The following PKHD1 variants were observed in gnomAD, a reference collection of about 807,000 sequenced individuals.
PKHD1 encodes the protein fibrocystin.
PKHD1 carries 291 observed loss-of-function variants against 412.0 expected under a neutral mutation model. The ratio of observed to expected loss-of-function variants is 0.71; its 90% CI spans 0.64 to 0.78. The LOEUF (loss-of-function observed/expected upper bound fraction) is 0.78, where lower values mean the gene tolerates loss of function less well. Ranked by LOEUF, PKHD1 falls within the 30% of genes least tolerant of loss-of-function variation. PKHD1 has a pLI of 0.00. For missense variants in PKHD1, 4,825 were observed against 4,950.7 expected, an observed-to-expected ratio of 0.97 and a Z score of 0.76; for synonymous variants, 1,777 against 1,821.5, an observed-to-expected ratio of 0.98 and a Z score of 0.62.
chr6:51,692,159 C>T (rs1778240092), intron 60 of PKHD1, among the ~76,000 whole-genome samples: 1 of 152,024 alleles, frequency 6.6e-6, no homozygotes, highest in African/African-American at 2.4e-5. Flanking sequence ...ATTCTTCTCC[C>T]ATGTTCACAT....
chr6:51,673,215 C>T (rs576546347), intron 60 of PKHD1, among the ~76,000 whole-genome samples: 2 of 152,280 alleles, frequency 1.3e-5, no homozygotes, highest in East Asian at 3.9e-4. Flanking sequence ...TGTCAGCTTC[C>T]GTGTTTTCCC....
intron 60 of PKHD1, among the ~76,000 whole-genome samples, chr6:51,711,787 G>A (rs1313215681): frequency 6.6e-6 from 1 of 152,190 alleles, no homozygotes; most frequent in Non-Finnish European, 1.5e-5. Flanking sequence ...AAAGAAATGT[G>A]TATTTTATTA....
intron 52 of PKHD1, among the ~76,000 whole-genome samples, chr6:51,792,252 TC>T (rs1793876401): frequency 6.6e-6 from 1 of 152,234 alleles, no homozygotes; most frequent in East Asian, 1.9e-4. Context: ...AGTGTTACTT[TC>T]TGAAATTTAG....
intron 35 of PKHD1, among the ~76,000 whole-genome samples, chr6:51,962,958 C>T (rs1792292012): frequency 6.6e-6 from 1 of 152,030 alleles, no homozygotes; most frequent in Non-Finnish European, 1.5e-5. Context: ...TTCCCACCTC[C>T]CTAAAAGATG....
intron 35 of PKHD1, among the ~76,000 whole-genome samples, chr6:51,989,948 A>AAGG (rs1796796338): frequency 4.3e-5 from 2 of 46,382 alleles, no homozygotes; most frequent in African/African-American, 8.9e-5. Context: ...AGGAAGGAAG[A>AAGG]AAGGAAGGAA....
chr6:51,696,680 G>C (rs1410203707), intron 60 of PKHD1, among the ~76,000 whole-genome samples: 1 of 152,168 alleles, frequency 6.6e-6, no homozygotes, highest in Admixed American at 6.6e-5. Flanking sequence ...GATGGGATGA[G>C]CAAGCCAGGT....
chr6:51,693,855 A>G (rs1368203068), intron 60 of PKHD1, among the ~76,000 whole-genome samples: 1 of 152,234 alleles, frequency 6.6e-6, no homozygotes, highest in Admixed American at 6.5e-5. Flanking sequence ...AAAAGGTATT[A>G]CTATTACTCC....
At chr6:51,640,900 C>T (rs778550234) in intron 63 of PKHD1, among the ~76,000 whole-genome samples, 75 of 152,210 alleles carry the variant, frequency 4.9e-4, no homozygotes, top group Non-Finnish European at 1.0e-3. Flanking sequence ...ACTGCCTTTT[C>T]ACTGAGGAGG....
Position 51,791,382 on chromosome 6 carries a change from G to T in PKHD1, c.8303-9C>A. The T allele has an allele frequency of 6.2e-7, 1 of 1,613,074 alleles. No individual in the cohort carries two copies. The highest frequency in any genetic ancestry group is 8.5e-7 in the Non-Finnish European group (1 of 1,179,172). On this transcript the variant is annotated splice_polypyrimidine_tract_variant and intron_variant, in intron 52 of 66. Transcript: ENST00000371117. Reference sequence around the variant, plus strand: ...CACAAGGACAGTTCTGTCTGTGGAAGAAAAAGAAATTGCTCAGATATGTCA... The same window carrying T: ...CACAAGGACAGTTCTGTCTGTGGAATAAAAAGAAATTGCTCAGATATGTCA...
At chr6:51,894,843 T>A (rs1300651319) in intron 43 of PKHD1, among the ~76,000 whole-genome samples, 1 of 152,244 alleles carries the variant, frequency 6.6e-6, no homozygotes, top group Admixed American at 6.5e-5. Context: ...TGACTATGGT[T>A]ATCGTTATGT....
intron 60 of PKHD1, among the ~76,000 whole-genome samples, chr6:51,720,515 T>C (rs1246893489): frequency 6.6e-6 from 1 of 151,880 alleles, no homozygotes; most frequent in African/African-American, 2.4e-5. Context: ...GTGGAAAGCG[T>C]TTCCCTCCAT....
intron 37 of PKHD1, among the ~76,000 whole-genome samples, chr6:51,923,542 C>T (rs924165376): frequency 3.3e-5 from 5 of 149,886 alleles, no homozygotes; most frequent in African/African-American, 4.9e-5. Flanking sequence ...AATAAAAGTA[C>T]CAAAAAACAA....
At chr6:51,623,083 C>A (rs1163142562) in intron 66 of PKHD1, among the ~76,000 whole-genome samples, 3 of 151,972 alleles carry the variant, frequency 2.0e-5, no homozygotes, top group African/African-American at 7.2e-5. Context: ...ATCATAAAAT[C>A]TATTTATTTT....
chr6:52,037,764 G>C (rs2128172682), intron 27 of PKHD1, among the ~76,000 whole-genome samples: 1 of 152,284 alleles, frequency 6.6e-6, no homozygotes, highest in East Asian at 1.9e-4. Flanking sequence ...CCTCTAAAGA[G>C]AATCTTTTGA....
intron 63 of PKHD1, among the ~76,000 whole-genome samples, chr6:51,645,000 T>A (rs1769907373): frequency 6.6e-6 from 1 of 151,964 alleles, no homozygotes. Context: ...TTTTAAAGAG[T>A]GGTAAACACA....
At chr6:51,749,844 G>A (rs147148920) in intron 57 of PKHD1, among the ~76,000 whole-genome samples, 2 of 152,220 alleles carry the variant, frequency 1.3e-5, no homozygotes, top group South Asian at 2.1e-4. Context: ...CTATAGCTAT[G>A]AGCCAATAAT....
intron 37 of PKHD1, among the ~76,000 whole-genome samples, chr6:51,930,340 T>C (rs1786375425): frequency 8.5e-6 from 1 of 117,210 alleles, no homozygotes; most frequent in Non-Finnish European, 1.6e-5. Flanking sequence ...CCTGTCCTCA[T>C]CTACTCTCAA....
At chr6:51,723,293 A>G (rs911717181) in intron 60 of PKHD1, among the ~76,000 whole-genome samples, 3 of 152,208 alleles carry the variant, frequency 2.0e-5, no homozygotes, top group Non-Finnish European at 1.5e-5. Flanking sequence ...TTTTCAACAG[A>G]TTCCAAGTGC....
chr6:51,683,245 G>T (rs145214449), intron 60 of PKHD1, among the ~76,000 whole-genome samples: 31 of 152,070 alleles, frequency 2.0e-4, no homozygotes, highest in Non-Finnish European at 2.2e-4. Flanking sequence ...TCATAATTCA[G>T]CAAGGTGAGC....
Sources: allele counts gnomAD v4.1 joint callset (sites outside exome capture counted in the v4.1 genomes callset), GRCh38; gene constraint gnomAD v4.1.1; transcripts MANE v1.5; gene names NCBI Gene and HGNC (gene_info 2026-07-23, HGNC 2026-07-21).